The following RYR1 variants were observed in gnomAD, a reference collection of about 807,000 sequenced individuals.
RYR1 encodes the protein central core disease of muscle.
RYR1 carries 342 observed loss-of-function variants against 583.5 expected under a neutral mutation model. The observed-to-expected ratio is 0.59, with a 90% confidence interval of 0.54 to 0.64. The LOEUF is 0.64. Ranked by LOEUF, RYR1 falls within the 30% of genes least tolerant of loss-of-function variation. The pLI, the probability that RYR1 is intolerant of heterozygous loss-of-function variation, is 0.00. For missense variants in RYR1, 6,032 were observed against 6,917.2 expected (o/e 0.87, Z 4.54); for synonymous variants, 2,791 against 2,822.5 (o/e 0.99, Z 0.35).
rs746166976 is a variant in RYR1 at position 38,469,427 on chromosome 19, A to G, written c.3679A>G (p.Ile1227Val). The G allele has an allele frequency of 4.3e-6, 7 of 1,613,982 alleles. No individual in the cohort carries two copies. The highest frequency in any genetic ancestry group is 2.2e-5 in the South Asian group (2 of 91,082). The part of the protein sequence containing the change: ...GLQEGFEPFA[I>V]NMQRPVTTWF... Reference sequence around the variant, plus strand: ...CCAGGAAGGCTTCGAGCCATTTGCCATCAACATGCAGCGCCCAGTCACCAC... The same window carrying G: ...CCAGGAAGGCTTCGAGCCATTTGCCGTCAACATGCAGCGCCCAGTCACCAC... Residue 1227 changes from isoleucine (I) to valine (V), a missense_variant, in exon 27 of 106, where the codon ATC becomes GTC. Ile to Val is a conservative substitution (Grantham distance 29). Around this residue, in one of 11 missense-constraint regions of RYR1, gnomAD observed 2,627 missense variants for 2,961.3 expected, o/e 0.89. Transcript: ENST00000359596.
chr19:38,581,730 C>G (rs1212889776), intron 101 of RYR1, among the ~76,000 whole-genome samples: 1 of 152,090 alleles, frequency 6.6e-6, no homozygotes, highest in African/African-American at 2.4e-5. Flanking sequence ...TCCTGAGTAG[C>G]TGGGATTACA....
chr19:38,574,343 C>T (rs1051673692), intron 96 of RYR1, among the ~76,000 whole-genome samples: 9 of 150,852 alleles, frequency 6.0e-5, no homozygotes, highest in Admixed American at 4.6e-4. Context: ...AGGGGCCGCA[C>T]TCAGTGGCTC....
chr19:38,569,131 C>T (rs1973591254), intron 93 of RYR1, among the ~76,000 whole-genome samples: 1 of 152,090 alleles, frequency 6.6e-6, no homozygotes. Flanking sequence ...CTGCCTCAGC[C>T]TCCCGAGTAG....
intron 28 of RYR1, 99 bp downstream of exon 28, chr19:38,473,870 T>C: frequency 1.2e-6 from 1 of 818,084 alleles, no homozygotes; most frequent in East Asian, 2.7e-5. Flanking sequence ...TACCCCAAAG[T>C]AGACCCATAT....
chr19:38,482,376 T>A (rs1441483276), intron 31 of RYR1, among the ~76,000 whole-genome samples: 1 of 152,060 alleles, frequency 6.6e-6, no homozygotes, highest in Non-Finnish European at 1.5e-5. Context: ...GACAATGTTG[T>A]TTGTGGAGGC....
At chr19:38,530,721 C>T (rs113787728) in intron 76 of RYR1, among the ~76,000 whole-genome samples, 6,462 of 152,190 alleles carry the variant, frequency 0.042, 199 homozygotes, top group Middle Eastern at 0.065. Flanking sequence ...GGATGCTGCA[C>T]TTCTAGGCAT....
chr19:38,539,552 C>T (rs559545569), intron 84 of RYR1, among the ~76,000 whole-genome samples: 1 of 152,140 alleles, frequency 6.6e-6, no homozygotes, highest in African/African-American at 2.4e-5. Flanking sequence ...CTAAGATTTT[C>T]ATTCTTTAAT....
Position 38,440,879 on chromosome 19 carries a change from G to C in RYR1, c.165+15G>C, listed in dbSNP as rs770935346. ...GCAACGCGCAGGTCTGTGCAGGAGG[G>C]AGAGGGGCCTGGGGACAGGGGCGTC... On this transcript the variant is annotated intron_variant, in intron 2 of 105. Transcript: ENST00000359596. 2 of 1,608,960 alleles carry C rather than the reference G, an allele frequency of 1.2e-6. No homozygotes were observed. Among genetic ancestry groups the C allele is most frequent in the East Asian group, 2.2e-5 (1 of 44,724 alleles).
intron 20 of RYR1, among the ~76,000 whole-genome samples, chr19:38,461,027 G>C (rs1343917710): frequency 6.6e-6 from 1 of 152,018 alleles, no homozygotes; most frequent in Non-Finnish European, 1.5e-5. Context: ...CATGGTGGCA[G>C]GTGCCTGTAA....
At chr19:38,461,906 T>C (rs1324993235) in intron 20 of RYR1, among the ~76,000 whole-genome samples, 2 of 151,330 alleles carry the variant, frequency 1.3e-5, no homozygotes, top group African/African-American at 4.9e-5. Context: ...AATACAAAAA[T>C]GAGCCAGGCA....
At chr19:38,569,687 C>T (rs757875201) in intron 93 of RYR1, among the ~76,000 whole-genome samples, 7 of 152,302 alleles carry the variant, frequency 4.6e-5, no homozygotes, top group East Asian at 1.9e-4. Flanking sequence ...GTTCAAATCC[C>T]ATCTCTGCCA....
chr19:38,458,236 A>T lies in RYR1; in HGVS notation c.2111A>T (p.Asn704Ile). The change falls in exon 18 of 106, where the codon AAC (asparagine) becomes ATC (isoleucine). Residue 704 changes from asparagine (N) to isoleucine (I), a missense_variant. Asn to Ile is a moderately radical substitution (Grantham distance 149). Coordinates refer to ENST00000359596, the MANE Select transcript of RYR1 (RefSeq NM_000540.3). ...YPGAGEGWGG[N>I]GVGDDLYSYG... ...GGGGCCGGCGAGGGCTGGGGCGGCAACGGGGTCGGCGATGACCTCTATTCC... is the reference window on the plus strand; with the variant it reads ...GGGGCCGGCGAGGGCTGGGGCGGCATCGGGGTCGGCGATGACCTCTATTCC... 2 of 1,614,016 alleles carry T rather than the reference A, an allele frequency of 1.2e-6. No homozygotes were observed. Among genetic ancestry groups the T allele is most frequent in the Non-Finnish European group, 1.7e-6 (2 of 1,179,996 alleles).
chr19:38,467,988 A>G, intron 25 of RYR1, 176 bp downstream of exon 25: 2 of 643,792 alleles, frequency 3.1e-6, no homozygotes, highest in Non-Finnish European at 5.6e-6. Context: ...CCATCCATCC[A>G]TCGATCTATC....
chr19:38,536,107 A>G, intron 82 of RYR1, 37 bp downstream of exon 82: 1 of 1,519,824 alleles, frequency 6.6e-7, no homozygotes. Flanking sequence ...CCCCTGAGAC[A>G]TCTTCCTTTG....
chr19:38,440,707 C>T, intron 1 of RYR1, 38 bp from the exon 2 acceptor site: 1 of 1,601,252 alleles, frequency 6.2e-7, no homozygotes, highest in Admixed American at 1.7e-5. Flanking sequence ...GGTATCCGGG[C>T]CAGGCCCCCC....
chr19:38,468,857 C>T, intron 25 of RYR1, 109 bp from the exon 26 acceptor site: 1 of 1,190,028 alleles, frequency 8.4e-7, no homozygotes, highest in South Asian at 1.3e-5. Flanking sequence ...CTGCCCTGAA[C>T]CTGACACTTC....
intron 38 of RYR1, among the ~76,000 whole-genome samples, 178 bp from the exon 39 acceptor site, chr19:38,494,174 G>C (rs981759136): frequency 1.3e-5 from 2 of 151,950 alleles, no homozygotes. Context: ...GTCTCTAAAA[G>C]AAAAAAAGGA....
chr19:38,543,559 T>TA lies in RYR1; in HGVS notation c.11807dup (p.Tyr3936Ter). 1 of 1,612,342 alleles carries TA rather than the reference T, an allele frequency of 6.2e-7. No homozygotes were observed. The highest frequency in any genetic ancestry group is 8.5e-7 in the Non-Finnish European group (1 of 1,178,992). ...QESISDFYWY[Y>*]SGKDVIEEQG... is the part of the protein sequence containing the mutation. ...ATCCATCAGCGACTTCTACTGGTAC[T>TA]ACTCGGGCAAGGATGTCATTGAAGA... The change falls in exon 86 of 106, where the codon TAC becomes TAAC. Residue 3936 changes from tyrosine to a stop codon, truncating the protein, a stop_gained and frameshift_variant. Coordinates refer to ENST00000359596, the MANE Select transcript of RYR1 (RefSeq NM_000540.3). LOFTEE classifies it high-confidence loss of function. This position sits in a 1 kb window ranked among gnomAD's most constrained non-coding sequence, Gnocchi z 4.4.
intron 27 of RYR1, among the ~76,000 whole-genome samples, chr19:38,470,906 C>T (rs569516411): frequency 7.2e-5 from 11 of 152,210 alleles, no homozygotes; most frequent in Non-Finnish European, 7.3e-5. Flanking sequence ...CGGGGCAGTA[C>T]TGCAGAGTGG....
Sources: allele counts gnomAD v4.1 joint callset (sites outside exome capture counted in the v4.1 genomes callset), GRCh38; gene constraint gnomAD v4.1.1; regional missense constraint gnomAD v4.1.1; non-coding constraint Gnocchi (gnomAD v3.1); transcripts MANE v1.5; gene names NCBI Gene and HGNC (gene_info 2026-07-23, HGNC 2026-07-21).